Variants in SPIRE1 observed in about 807,000 individuals in gnomAD.
SPIRE1 encodes protein spire homolog 1.
SPIRE1 carries 40 observed loss-of-function variants against 94.1 expected under a neutral mutation model. That is an observed-to-expected ratio of 0.43 (90% CI 0.33 to 0.55). The LOEUF (loss-of-function observed/expected upper bound fraction) is 0.55, where lower values mean the gene tolerates loss of function less well. Among genes scored for constraint, SPIRE1 ranks in the 20% least tolerant of loss-of-function variants. The probability of loss-of-function intolerance (pLI) is 0.06; values close to 1 mark genes in which losing one functional copy is unlikely to be tolerated. For missense variants in SPIRE1, 838 were observed against 975.2 expected, an observed-to-expected ratio of 0.86 and a Z score of 1.87; for synonymous variants, 376 against 371.7, an observed-to-expected ratio of 1.01 and a Z score of -0.13.
Position 12,493,297 on chromosome 18 carries a change from G to A in SPIRE1, c.1060-96C>T. ...ACAGTATTATAAATTACATTTCATT[G>A]ACTGGAACACTGCTTGATAAAAGAT... On this transcript the variant is annotated intron_variant, in intron 7 of 16. Transcript: ENST00000409402. 7 of 1,121,744 alleles carry A rather than the reference G, an allele frequency of 6.2e-6. No homozygotes were observed. The South Asian group carries it at 1.2e-4, about 19-fold the overall frequency. 69.5% of individuals were successfully genotyped at this position (1,121,744 alleles called of 1,614,324 possible).
chr18:12,592,305 A>G (rs2036557161), intron 2 of SPIRE1, among the ~76,000 whole-genome samples: 1 of 152,234 alleles, frequency 6.6e-6, no homozygotes. Context: ...GGGCTTTTAA[A>G]GTGTACGATA....
Position 12,549,439 on chromosome 18 carries a change from G to GTTTTTTTTTTTTTTTTTTTTTTTTTT in SPIRE1, c.373-2561_373-2536dup, listed in dbSNP as rs869122444. On this transcript the variant is annotated intron_variant, in intron 2 of 16. Transcript: ENST00000409402. ...CTTTTTGTTTGTTTTTGTTATTGTT[G>GTTTTTTTTTTTTTTTTTTTTTTTTTT]TTTTTTTTTTTTTTTTTTTTTTTTT... Among the ~76,000 whole-genome samples the GTTTTTTTTTTTTTTTTTTTTTTTTTT allele has an allele frequency of 6.5e-4, 27 of 41,256 alleles. 3 individuals carry two copies. The highest frequency in any genetic ancestry group is 1.4e-3 in the East Asian group (1 of 694). 27.1% of individuals were successfully genotyped at this position (41,256 alleles called of 152,430 possible).
intron 12 of SPIRE1, among the ~76,000 whole-genome samples, chr18:12,463,081 T>C (rs1244065418): frequency 6.6e-6 from 1 of 152,132 alleles, no homozygotes; most frequent in African/African-American, 2.4e-5. Context: ...TTATTTTTTT[T>C]TGCAGAGACG....
At position 12,658,083 on chromosome 18, in the gene SPIRE1, G is replaced by T; in HGVS notation, c.-217C>A. The T allele has an allele frequency of 3.0e-6, 3 of 991,882 alleles. No homozygotes were observed. Among genetic ancestry groups the T allele is most frequent in the South Asian group, 9.1e-5 (2 of 22,036 alleles). The allele number at this position is 991,882 out of a possible 1,614,324, so 61.4% of individuals were successfully genotyped here. A position where few individuals can be genotyped will look rare whatever the true frequency, so the allele number is the denominator to read the frequency against. On this transcript the variant is annotated 5_prime_UTR_variant, in exon 1 of 17. Transcript: ENST00000409402. ...CTGCAGTCCCGGTCAGACAGCCGCC[G>T]GCCGGTAGCGACGCGATGGCGTCCG...
intron 3 of SPIRE1, among the ~76,000 whole-genome samples, chr18:12,545,031 G>A (rs1386642629): frequency 6.6e-6 from 1 of 152,142 alleles, no homozygotes; most frequent in Non-Finnish European, 1.5e-5. Flanking sequence ...AGATGTATGA[G>A]TGGTTTTGCT....
At chr18:12,461,422 G>GTGTGTATGTATGTATATACACACA (rs1555680886) in intron 12 of SPIRE1, among the ~76,000 whole-genome samples, 2 of 127,704 alleles carry the variant, frequency 1.6e-5, no homozygotes, top group East Asian at 2.6e-4. Context: ...GTATGTGTGT[G>GTGTGTATGTATGTATATACACACA]TGTGTGTATG....
chr18:12,470,218 G>A (rs2032297267), intron 10 of SPIRE1, among the ~76,000 whole-genome samples: 1 of 152,074 alleles, frequency 6.6e-6, no homozygotes, highest in Non-Finnish European at 1.5e-5. Context: ...AAAGTACTAG[G>A]ATTACAGGCA....
At chr18:12,661,102 G>A (rs2038687796), upstream of SPIRE1, among the ~76,000 whole-genome samples, 4 of 152,152 alleles carry the variant, frequency 2.6e-5, no homozygotes, top group Admixed American at 6.5e-5. Context: ...GAGGTCAGGA[G>A]TTCGAGACCA....
intron 6 of SPIRE1, among the ~76,000 whole-genome samples, chr18:12,496,486 C>T (rs1248402467): frequency 6.6e-6 from 1 of 152,194 alleles, no homozygotes; most frequent in Non-Finnish European, 1.5e-5. Flanking sequence ...GTAATCCCAG[C>T]ACTTTGGGAG....
chr18:12,522,131 C>T (rs1200867895), intron 4 of SPIRE1, among the ~76,000 whole-genome samples: 1 of 152,206 alleles, frequency 6.6e-6, no homozygotes, highest in Non-Finnish European at 1.5e-5. Flanking sequence ...AGCTAGGCTC[C>T]TTGCACCAAA....
intron 3 of SPIRE1, among the ~76,000 whole-genome samples, chr18:12,537,942 T>C (rs1474473088): frequency 1.3e-5 from 2 of 152,102 alleles, no homozygotes; most frequent in African/African-American, 2.4e-5. Context: ...GATGAACAGA[T>C]TGAATGCAAT....
At chr18:12,626,034 A>ACCCC (rs2037613013) in intron 2 of SPIRE1, among the ~76,000 whole-genome samples, 3 of 109,866 alleles carry the variant, frequency 2.7e-5, no homozygotes, top group Non-Finnish European at 4.2e-5. Context: ...CATTCCCCAC[A>ACCCC]CCGCCCCGCC....
intron 2 of SPIRE1, among the ~76,000 whole-genome samples, chr18:12,568,479 T>TC (rs2035873542): frequency 6.6e-6 from 1 of 152,230 alleles, no homozygotes; most frequent in Non-Finnish European, 1.5e-5. Context: ...ATCCTCTTGC[T>TC]CTAAAGAATC....
chr18:12,636,938 C>T (rs1318782743), intron 1 of SPIRE1, among the ~76,000 whole-genome samples: 1 of 152,152 alleles, frequency 6.6e-6, no homozygotes, highest in Non-Finnish European at 1.5e-5. Context: ...ACAGAAACAG[C>T]TCAAGGAAGG....
chr18:12,593,441 T>C (rs532753130), intron 2 of SPIRE1, among the ~76,000 whole-genome samples: 14 of 152,360 alleles, frequency 9.2e-5, no homozygotes, highest in African/African-American at 2.9e-4. Flanking sequence ...GCTGTTATTA[T>C]GCTTATCTGA....
At chr18:12,473,719 T>A in intron 10 of SPIRE1, among the ~76,000 whole-genome samples, 1 of 152,348 alleles carries the variant, frequency 6.6e-6, no homozygotes, top group East Asian at 1.9e-4. Flanking sequence ...GAGTATTTGA[T>A]CTACAATAAT....
chr18:12,478,901 A>G (rs973043258), intron 10 of SPIRE1, among the ~76,000 whole-genome samples: 2 of 151,966 alleles, frequency 1.3e-5, no homozygotes, highest in African/African-American at 4.8e-5. Flanking sequence ...TCTGGAGAAT[A>G]CTATTAGAAT....
At chr18:12,613,417 C>A (rs757598586) in intron 2 of SPIRE1, among the ~76,000 whole-genome samples, 10 of 152,192 alleles carry the variant, frequency 6.6e-5, no homozygotes, top group Admixed American at 6.5e-5. Flanking sequence ...ACCAAAACTT[C>A]TCTTGTCCCT....
intron 8 of SPIRE1, among the ~76,000 whole-genome samples, chr18:12,492,839 T>C (rs1180257360): frequency 6.6e-6 from 1 of 152,106 alleles, no homozygotes; most frequent in East Asian, 1.9e-4. Context: ...TAGTTCAGTA[T>C]TAGATAGGCG....
Sources: gnomAD v4.1 joint callset for allele counts (sites outside exome capture counted in the v4.1 genomes callset) on GRCh38, gnomAD v4.1.1 for gene constraint, MANE v1.5 for transcripts, NCBI Gene and HGNC (gene_info 2026-07-23, HGNC 2026-07-21) for gene names.